The following TBCB variants were observed in gnomAD, a reference collection of about 807,000 sequenced individuals.
TBCB encodes tubulin-folding cofactor B.
TBCB carries 18 observed loss-of-function variants against 29.2 expected under a neutral mutation model. The ratio of observed to expected loss-of-function variants is 0.62; its 90% CI spans 0.43 to 0.91. The LOEUF (loss-of-function observed/expected upper bound fraction) is 0.91. TBCB is among the 40% of genes least tolerant of loss of function. The probability of loss-of-function intolerance (pLI) is 0.00; values close to 1 mark genes in which losing one functional copy is unlikely to be tolerated. For missense variants in TBCB, 336 were observed against 337.6 expected (o/e 1.00, Z 0.04); for synonymous variants, 172 against 137.8 (o/e 1.25, Z -1.74).
chr19:36,115,456 G>A, upstream of TBCB: 2 of 844,864 alleles, frequency 2.4e-6, no homozygotes, highest in Non-Finnish European at 3.8e-6. Flanking sequence ...CAGGCACGGA[G>A]CAGGAGGCGG....
At chr19:36,115,743 C>T (rs1973939299) in intron 1 of TBCB, 69 bp downstream of exon 1, 10 of 614,896 alleles carry the variant, frequency 1.6e-5, no homozygotes, top group Non-Finnish European at 2.0e-5. Flanking sequence ...AAGGGGGAGG[C>T]TGGGAGGGGC....
chr19:36,124,669 G>A (rs552873811), intron 4 of TBCB, among the ~76,000 whole-genome samples: 53 of 152,100 alleles, frequency 3.5e-4, no homozygotes, highest in African/African-American at 1.2e-3. Flanking sequence ...TCAGCCTCCC[G>A]AGTAGCTGGA....
At position 36,121,563 on chromosome 19, in the gene TBCB, G is replaced by T; in HGVS notation, c.392G>T (p.Gly131Val). The T allele has an allele frequency of 6.4e-7, 1 of 1,560,634 alleles. No individual in the cohort carries two copies. The change falls in exon 4 of 6, where the codon GGC becomes GTC. Residue 131 changes from glycine to valine, a missense_variant. Physicochemically the swap from Gly to Val is moderately radical, Grantham distance 109. Transcript: ENST00000221855. The part of the protein sequence containing the change: ...VRSFLKRSKL[G>V]RYNEEERAQQ... ...TCTTTCCTGAAGCGCAGCAAGCTCG[G>T]CCGGTACAACGAGGAGGAGCGGGCT...
chr19:36,117,248 G>A (rs1045406250), intron 2 of TBCB, among the ~76,000 whole-genome samples: 5 of 152,178 alleles, frequency 3.3e-5, no homozygotes, highest in Non-Finnish European at 7.3e-5. Context: ...GGATTCGAGT[G>A]CCCTGAGGGT....
At chr19:36,118,910 G>T (rs1372661408) in intron 2 of TBCB, among the ~76,000 whole-genome samples, 1 of 152,136 alleles carries the variant, frequency 6.6e-6, no homozygotes, top group East Asian at 1.9e-4. Context: ...AGGAAGAGTA[G>T]GGAGACCAGG....
chr19:36,115,298 C>T (rs1021590663), upstream of TBCB: 1 of 548,808 alleles, frequency 1.8e-6, no homozygotes, highest in African/African-American at 2.0e-5. Context: ...TGGTCCTTTC[C>T]CGGGCCGCTA....
At position 36,115,477 on chromosome 19, in the gene TBCB, C is replaced by CCAGCAG. The variant is rs77581492; in HGVS notation, c.-76_-71dup. ...CGGAGCAGGAGGCGGGGCTGATAGC[C>CCAGCAG]CAGCAGCAGCAGCGGCGGCGGCGGC... On this transcript the variant is annotated 5_prime_UTR_variant, in exon 1 of 6. Transcript: ENST00000221855. 3.6e-5 allele frequency: 38 copies of CCAGCAG among 1,047,828 alleles called. No individual in the cohort carries two copies. Among genetic ancestry groups the CCAGCAG allele is most frequent in the Non-Finnish European group, 4.3e-5 (30 of 704,042 alleles). 64.9% of individuals were successfully genotyped at this position (1,047,828 alleles called of 1,614,324 possible). A position where few individuals can be genotyped will look rare whatever the true frequency, so the allele number is the denominator to read the frequency against.
At chr19:36,122,698 G>A (rs1403039645) in intron 4 of TBCB, among the ~76,000 whole-genome samples, 1 of 149,346 alleles carries the variant, frequency 6.7e-6, no homozygotes, top group Non-Finnish European at 1.5e-5. Flanking sequence ...AGGCTGCAGT[G>A]AGCTATGATC....
At chr19:36,125,278 C>A (rs1200076304) in intron 4 of TBCB, among the ~76,000 whole-genome samples, 173 bp from the exon 5 acceptor site, 2 of 152,192 alleles carry the variant, frequency 1.3e-5, no homozygotes, top group Non-Finnish European at 2.9e-5. Context: ...CCATATTAGT[C>A]CCGGCAGGAG....
chr19:36,118,765 T>C (rs1025424552), intron 2 of TBCB: 5 of 136,292 alleles, frequency 3.7e-5, no homozygotes, highest in African/African-American at 1.4e-4. Context: ...CACTCCAAGG[T>C]GGGAGGGAGC....
At chr19:36,116,372 C>A (rs1973955109) in intron 2 of TBCB, 188 bp downstream of exon 2, 6 of 655,966 alleles carry the variant, frequency 9.1e-6, no homozygotes, top group African/African-American at 1.9e-5. Flanking sequence ...GGGCTGGGAT[C>A]AGGAAATCCC....
intron 2 of TBCB, 117 bp from the exon 3 acceptor site, chr19:36,120,593 T>C: frequency 1.2e-6 from 1 of 801,914 alleles, no homozygotes; most frequent in Non-Finnish European, 2.1e-6. Flanking sequence ...AAGGCTGCAG[T>C]ACAGGCGAGG....
In TBCB at chr19:36,115,572, G is replaced by C. The variant is rs750627271; in HGVS notation, c.12G>C (p.Thr4=). Residue 4 remains threonine, a synonymous_variant, in exon 1 of 6, where the codon ACG becomes ACC. Coordinates refer to ENST00000221855, the MANE Select transcript of TBCB (RefSeq NM_001281.3). MEV[T]GVSAPTVTVF... is the part of the protein sequence containing the mutation. ...CAGGGCGCGGCAAGATGGAGGTGACGGGGGTGTCGGCACCCACGGTGACCG... is the reference window on the plus strand; with the variant it reads ...CAGGGCGCGGCAAGATGGAGGTGACCGGGGTGTCGGCACCCACGGTGACCG... The C allele has an allele frequency of 4.4e-6, 7 of 1,608,218 alleles. No individual in the cohort carries two copies. Among genetic ancestry groups the C allele is most frequent in the Non-Finnish European group, 8.5e-7 (1 of 1,177,716 alleles).
Position 36,116,159 on chromosome 19 carries a change from C to T in TBCB, c.233C>T (p.Pro78Leu). 1 of 1,614,156 alleles carries T rather than the reference C, an allele frequency of 6.2e-7. No individual in the cohort carries two copies. The highest frequency in any genetic ancestry group is 2.2e-5 in the East Asian group (1 of 44,882). Residue 78 changes from proline to leucine, a missense_variant, in exon 2 of 6, where the codon CCT (proline) becomes CTT (leucine). Transcript: ENST00000221855. ...GAGGATGCGCTCCTGGGCTCCTACCCTGTAGATGACGGCTGCCGCATCCAC... is the reference window on the plus strand; with the variant it reads ...GAGGATGCGCTCCTGGGCTCCTACCTTGTAGATGACGGCTGCCGCATCCAC... The part of the protein sequence containing the change: ...DQEDALLGSY[P>L]VDDGCRIHVI...
chr19:36,115,096 G>T (rs1973921353), upstream of TBCB: 5 of 593,820 alleles, frequency 8.4e-6, no homozygotes, highest in Non-Finnish European at 1.5e-5. Context: ...TCAGTTTACA[G>T]AATAGTATGG....
intron 2 of TBCB, among the ~76,000 whole-genome samples, chr19:36,119,432 C>T (rs892097861): frequency 2.0e-5 from 3 of 152,178 alleles, no homozygotes; most frequent in Admixed American, 6.5e-5. Flanking sequence ...TTCCCTGACC[C>T]TGGTCCAGCC....
intron 2 of TBCB, 130 bp from the exon 3 acceptor site, chr19:36,120,580 G>C (rs1324255351): frequency 1.4e-6 from 1 of 710,762 alleles, no homozygotes; most frequent in African/African-American, 1.8e-5. Flanking sequence ...CAGGAGAGAA[G>C]AGAAGGCTGC....
Position 36,121,607 on chromosome 19 carries a change from G to A in TBCB, c.436G>A (p.Ala146Thr). ...EERAQQEAEA[A>T]QRLAEEKAQA... The stretch of plus-strand genomic sequence containing the variant: ...GCGGGCTCAGCAGGAGGCCGAGGCC[G>A]CCCAGCGCCTGGCCGAGGAGAAGGC... The change falls in exon 4 of 6, where the codon GCC (alanine) becomes ACC (threonine). Residue 146 changes from alanine (A) to threonine (T), a missense_variant. Ala to Thr is a moderately conservative substitution (Grantham distance 58). Coordinates refer to ENST00000221855, the MANE Select transcript of TBCB (RefSeq NM_001281.3). 2 of 1,554,446 alleles carry A rather than the reference G, an allele frequency of 1.3e-6. No homozygotes were observed. The highest frequency in any genetic ancestry group is 1.2e-5 in the South Asian group (1 of 84,470).
In TBCB at chr19:36,121,521, C is replaced by T. The variant is rs765697863; in HGVS notation, c.356-6C>T. The stretch of plus-strand genomic sequence containing the variant: ...CCCAACTGACCCCAGCCCCCTCTGC[C>T]CACAGACACGGTCCGCTCTTTCCTG... On this transcript the variant is annotated splice_region_variant and splice_polypyrimidine_tract_variant and intron_variant, in intron 3 of 5. Coordinates refer to ENST00000221855, the MANE Select transcript of TBCB (RefSeq NM_001281.3). The T allele has an allele frequency of 5.0e-5, 77 of 1,552,778 alleles. No homozygotes were observed. The Middle Eastern group carries it at 7.3e-4, about 15-fold the overall frequency.
Sources: allele counts gnomAD v4.1 joint callset (sites outside exome capture counted in the v4.1 genomes callset), GRCh38; gene constraint gnomAD v4.1.1; transcripts MANE v1.5; gene names NCBI Gene and HGNC (gene_info 2026-07-23, HGNC 2026-07-21).